Variants in FGF14 observed in about 807,000 individuals in gnomAD.
The protein encoded by FGF14 is fibroblast growth factor homologous factor 4.
A neutral mutation model predicts 25.5 loss-of-function variants in FGF14; 5 were observed. That is an observed-to-expected ratio of 0.20 (90% CI 0.10 to 0.41). The LOEUF (loss-of-function observed/expected upper bound fraction) is 0.41, where lower values mean the gene tolerates loss of function less well. FGF14 is among the 10% of genes least tolerant of loss of function. The probability of loss-of-function intolerance (pLI) is 1.00; values close to 1 mark genes in which losing one functional copy is unlikely to be tolerated. For missense variants in FGF14, 222 were observed against 320.1 expected (o/e 0.69, Z 2.34); for synonymous variants, 138 against 118.3 (o/e 1.17, Z -1.08).
intron 3 of FGF14, among the ~76,000 whole-genome samples, chr13:101,822,557 A>G (rs2042208609): frequency 6.6e-6 from 1 of 151,842 alleles, no homozygotes; most frequent in Non-Finnish European, 1.5e-5. Flanking sequence ...GATTAATTTG[A>G]AGAGATATAA....
At chr13:101,810,750 G>A (rs1398548425) in intron 3 of FGF14, among the ~76,000 whole-genome samples, 3 of 152,152 alleles carry the variant, frequency 2.0e-5, no homozygotes, top group Admixed American at 2.0e-4. Context: ...CTACAGACAG[G>A]AAGGCCTTTA....
intron 3 of FGF14, among the ~76,000 whole-genome samples, chr13:101,742,287 C>T (rs762312521): frequency 6.6e-6 from 1 of 152,098 alleles, no homozygotes; most frequent in African/African-American, 2.4e-5. Context: ...ACCTATGTAA[C>T]AAACCTGCAC....
At chr13:101,801,961 A>ACTGTTTAGTT (rs2040898912) in intron 3 of FGF14, 2 of 476,490 alleles carry the variant, frequency 4.2e-6, no homozygotes, top group Non-Finnish European at 8.3e-6. Context: ...AAGAACATAA[A>ACTGTTTAGTT]AAGAAAAACC....
intron 1 of FGF14, among the ~76,000 whole-genome samples, chr13:102,182,020 G>C (rs527886678): frequency 6.6e-6 from 1 of 152,222 alleles, no homozygotes; most frequent in Middle Eastern, 3.4e-3. Flanking sequence ...GTTGTTTTCA[G>C]CCACCCATTT....
At chr13:102,299,164 G>T (rs1322869423) in intron 1 of FGF14, among the ~76,000 whole-genome samples, 1 of 152,092 alleles carries the variant, frequency 6.6e-6, no homozygotes, top group Non-Finnish European at 1.5e-5. Flanking sequence ...ATAGCAAGAT[G>T]CTCCAAGGAT....
intron 1 of FGF14, among the ~76,000 whole-genome samples, chr13:102,212,005 C>T (rs1176541117): frequency 1.3e-5 from 2 of 152,160 alleles, no homozygotes; most frequent in East Asian, 3.9e-4. Flanking sequence ...TTCACAGTTA[C>T]TCAGTTGTTT....
At chr13:102,382,220 C>T (rs2058199589) in intron 1 of FGF14, among the ~76,000 whole-genome samples, 1 of 152,084 alleles carries the variant, frequency 6.6e-6, no homozygotes, top group South Asian at 2.1e-4. Flanking sequence ...GGATAAAATA[C>T]TTCTAAATCA....
intron 1 of FGF14, among the ~76,000 whole-genome samples, chr13:102,195,718 G>A (rs1016416186): frequency 1.3e-5 from 2 of 150,946 alleles, no homozygotes; most frequent in Non-Finnish European, 2.9e-5. Context: ...CTTAAGCCCA[G>A]GAAGCAGAGG....
chr13:102,002,017 T>C (rs1002931296), intron 1 of FGF14: 4 of 152,146 alleles, frequency 2.6e-5, no homozygotes, highest in Admixed American at 6.5e-5. Flanking sequence ...ATTTCATGAT[T>C]AGGAATGGTT....
At chr13:101,982,723 T>C (rs1474523849) in intron 1 of FGF14, among the ~76,000 whole-genome samples, 1 of 152,226 alleles carries the variant, frequency 6.6e-6, no homozygotes, top group Non-Finnish European at 1.5e-5. Context: ...CCTACGAAGA[T>C]AGTTGACCTC....
At chr13:102,265,474 C>T (rs894262634) in intron 1 of FGF14, among the ~76,000 whole-genome samples, 1 of 152,086 alleles carries the variant, frequency 6.6e-6, no homozygotes. Context: ...CCATTATGGT[C>T]TTCTATAAGC....
chr13:102,401,627 A>C, exon 1 of FGF14: 5 of 1,614,162 alleles, frequency 3.1e-6, no homozygotes, highest in Non-Finnish European at 4.2e-6. Context: ...TTGTGGTTGC[A>C]TAATAATAAT....
chr13:101,881,802 T>G (rs1355121533), intron 1 of FGF14, among the ~76,000 whole-genome samples: 1 of 152,210 alleles, frequency 6.6e-6, no homozygotes, highest in African/African-American at 2.4e-5. Context: ...GCTGTGGCAC[T>G]GACAGATGTG....
intron 1 of FGF14, among the ~76,000 whole-genome samples, chr13:101,932,121 C>T (rs1473715292): frequency 1.3e-5 from 2 of 152,202 alleles, no homozygotes; most frequent in Non-Finnish European, 1.5e-5. Flanking sequence ...TGCAGCCTTG[C>T]TCTGCAATTT....
intron 1 of FGF14, among the ~76,000 whole-genome samples, chr13:102,329,786 C>A (rs2056577619): frequency 6.6e-6 from 1 of 152,112 alleles, no homozygotes; most frequent in South Asian, 2.1e-4. Context: ...AATCTTAACC[C>A]TACCATGTTG....
intron 3 of FGF14, among the ~76,000 whole-genome samples, chr13:101,831,745 A>G (rs2042680920): frequency 2.0e-5 from 3 of 152,096 alleles, no homozygotes; most frequent in African/African-American, 7.2e-5. Flanking sequence ...AAGTTGATAG[A>G]TCAATTCCTG....
intron 1 of FGF14, among the ~76,000 whole-genome samples, chr13:102,158,314 T>C (rs778501742): frequency 2.6e-5 from 4 of 152,194 alleles, no homozygotes; most frequent in Non-Finnish European, 5.9e-5. Context: ...ATGTGGCACA[T>C]GTACACCATG....
chr13:101,968,291 A>G (rs1048695300), intron 1 of FGF14, among the ~76,000 whole-genome samples: 1 of 152,186 alleles, frequency 6.6e-6, no homozygotes, highest in Non-Finnish European at 1.5e-5. Flanking sequence ...TCTAAAAAAT[A>G]TTTTTTGCAA....
intron 1 of FGF14, among the ~76,000 whole-genome samples, chr13:101,885,458 A>G (rs1433244049): frequency 6.6e-6 from 1 of 152,112 alleles, no homozygotes; most frequent in African/African-American, 2.4e-5. Context: ...CTTTAATTGG[A>G]TTTATGGTTT....
Sources: allele counts gnomAD v4.1 joint callset (sites outside exome capture counted in the v4.1 genomes callset), GRCh38; gene constraint gnomAD v4.1.1; transcripts MANE v1.5; gene names NCBI Gene and HGNC (gene_info 2026-07-23, HGNC 2026-07-21).